Variants in MCPH1 observed in about 807,000 individuals in gnomAD.
MCPH1 encodes microcephalin 1, also known as microcephalin.
A neutral mutation model predicts 84.5 loss-of-function variants in MCPH1; 104 were observed. The observed-to-expected ratio is 1.23, with a 90% CI of 1.05 to 1.45. The LOEUF is 1.45. Ranked by LOEUF, MCPH1 falls within the 40% of genes most tolerant of loss-of-function variation. MCPH1 has a pLI of 0.00. For missense variants in MCPH1, 1,498 were observed against 1,005.7 expected (o/e 1.49, Z -6.62); for synonymous variants, 514 against 366.8 (o/e 1.40, Z -4.58).
intron 9 of MCPH1, among the ~76,000 whole-genome samples, chr8:6,475,484 C>T (rs142917920): frequency 0.011 from 1,634 of 152,298 alleles, 17 homozygotes; most frequent in Middle Eastern, 0.024. Context: ...CCCAGCATCC[C>T]GGGGAAAACC....
intron 11 of MCPH1, among the ~76,000 whole-genome samples, chr8:6,485,484 A>G (rs1386837113): frequency 1.3e-5 from 2 of 151,994 alleles, no homozygotes; most frequent in East Asian, 3.9e-4. Flanking sequence ...CTCTGTACCT[A>G]TACTTCCTGT....
chr8:6,514,843 C>T (rs746775061), intron 12 of MCPH1: 4 of 1,415,124 alleles, frequency 2.8e-6, no homozygotes, highest in Non-Finnish European at 3.0e-6. Flanking sequence ...GTAGCAGAAG[C>T]AGGAGGAATG....
At chr8:6,456,844 G>T (rs1202396843) in intron 9 of MCPH1, among the ~76,000 whole-genome samples, 1 of 152,176 alleles carries the variant, frequency 6.6e-6, no homozygotes, top group Non-Finnish European at 1.5e-5. Context: ...AATCTGATGG[G>T]CTGGGTCTGT....
chr8:6,631,901 C>T (rs1430334850), intron 13 of MCPH1, among the ~76,000 whole-genome samples: 1 of 152,192 alleles, frequency 6.6e-6, no homozygotes, highest in Non-Finnish European at 1.5e-5. Context: ...TTTATAGCAG[C>T]ATTGTTCACA....
At chr8:6,484,432 T>C (rs970462363) in intron 11 of MCPH1, among the ~76,000 whole-genome samples, 1 of 152,236 alleles carries the variant, frequency 6.6e-6, no homozygotes, top group Non-Finnish European at 1.5e-5. Context: ...CGGCTGCTGG[T>C]GTGTGTGGGA....
At chr8:6,476,355 G>C (rs1808451788) in intron 9 of MCPH1, among the ~76,000 whole-genome samples, 1 of 150,922 alleles carries the variant, frequency 6.6e-6, no homozygotes, top group South Asian at 2.1e-4. Flanking sequence ...CTTGAACCCG[G>C]GAGATGGAGG....
chr8:6,602,360 G>C (rs919288876), intron 12 of MCPH1, among the ~76,000 whole-genome samples: 8 of 152,172 alleles, frequency 5.3e-5, no homozygotes, highest in Non-Finnish European at 1.2e-4. Flanking sequence ...AATGAAGGTA[G>C]GATCAAGAGT....
intron 12 of MCPH1, among the ~76,000 whole-genome samples, chr8:6,602,989 G>T (rs1829489455): frequency 6.6e-6 from 1 of 152,074 alleles, no homozygotes; most frequent in African/African-American, 2.4e-5. Flanking sequence ...GCATCCGTGT[G>T]TGTGTGTGTG....
chr8:6,416,763 G>T (rs1799358565), intron 3 of MCPH1, among the ~76,000 whole-genome samples: 1 of 152,088 alleles, frequency 6.6e-6, no homozygotes, highest in Non-Finnish European at 1.5e-5. Context: ...GGAGGCCGAG[G>T]GGGGTGGATC....
intron 12 of MCPH1, among the ~76,000 whole-genome samples, chr8:6,530,458 G>A (rs201026966): frequency 1.4e-5 from 2 of 142,870 alleles, no homozygotes; most frequent in African/African-American, 5.2e-5. Flanking sequence ...GCAGCAAGTC[G>A]AGATCACACC....
chr8:6,629,649 A>C lies in MCPH1; in HGVS notation c.2452+7958A>C, dbSNP rs80065108. Among the ~76,000 whole-genome samples the C allele has an allele frequency of 7.4e-3, 1,125 of 152,236 alleles. 11 individuals are homozygous for C. Among genetic ancestry groups the C allele is most frequent in the African/African-American group, 0.026 (1,062 of 41,530 alleles). On this transcript the variant is annotated intron_variant, in intron 13 of 13. Coordinates refer to ENST00000344683, the MANE Select transcript of MCPH1 (RefSeq NM_024596.5). ...GACTTCCTGCCCTCCAGAACTGTGA[A>C]AAAATACATGTCTGCTGTTTAAGCC...
At chr8:6,463,898 G>T (rs1806555541) in intron 9 of MCPH1, among the ~76,000 whole-genome samples, 1 of 152,198 alleles carries the variant, frequency 6.6e-6, no homozygotes, top group African/African-American at 2.4e-5. Context: ...CACTTGGCTG[G>T]AAGCATATAC....
At chr8:6,503,935 C>T (rs1215971567) in intron 12 of MCPH1, among the ~76,000 whole-genome samples, 2 of 152,166 alleles carry the variant, frequency 1.3e-5, no homozygotes, top group African/African-American at 4.8e-5. Context: ...ACACAGTAGT[C>T]CCCCCTTATC....
At chr8:6,421,492 C>G (rs914438346) in intron 3 of MCPH1, among the ~76,000 whole-genome samples, 2 of 151,934 alleles carry the variant, frequency 1.3e-5, no homozygotes, top group Non-Finnish European at 2.9e-5. Flanking sequence ...CAAATCCACC[C>G]TGCCATACTG....
At chr8:6,534,516 G>A (rs1238975161) in intron 12 of MCPH1, among the ~76,000 whole-genome samples, 10 of 151,992 alleles carry the variant, frequency 6.6e-5, no homozygotes, top group African/African-American at 2.4e-4. Context: ...CCATCCACCC[G>A]CCTCAGCCCC....
intron 1 of MCPH1, among the ~76,000 whole-genome samples, chr8:6,407,518 A>T (rs574404557): frequency 2.0e-5 from 3 of 152,130 alleles, no homozygotes; most frequent in Non-Finnish European, 2.9e-5. Flanking sequence ...GGAGAGGGGA[A>T]TAGCGGACAC....
chr8:6,611,817 A>G (rs1830298941), intron 12 of MCPH1, among the ~76,000 whole-genome samples: 1 of 151,992 alleles, frequency 6.6e-6, no homozygotes, highest in Non-Finnish European at 1.5e-5. Flanking sequence ...ACGGGGTTTC[A>G]CCGTGTTAGC....
rs1472535841 is a variant in MCPH1 at position 6,646,569 on chromosome 8, C to T, written c.*3520C>T. The T allele has an allele frequency of 6.6e-6, 1 of 152,164 alleles. No individual in the cohort carries two copies. Among genetic ancestry groups the T allele is most frequent in the Non-Finnish European group, 1.5e-5 (1 of 68,030 alleles). The allele number at this position is 152,164 out of a possible 1,614,324, so 9.4% of individuals were successfully genotyped here. A position where few individuals can be genotyped will look rare whatever the true frequency, so the allele number is the denominator to read the frequency against. Reference sequence around the variant, plus strand: ...AAAAAAAGTACTTGGATCCTTACCTCACACCATGCACAAAAATTAGCTCAA... The same window carrying T: ...AAAAAAAGTACTTGGATCCTTACCTTACACCATGCACAAAAATTAGCTCAA... On this transcript the variant is annotated 3_prime_UTR_variant, in exon 14 of 14. Coordinates refer to ENST00000344683, the MANE Select transcript of MCPH1 (RefSeq NM_024596.5).
At chr8:6,518,687 C>G (rs1022111118) in intron 12 of MCPH1, among the ~76,000 whole-genome samples, 2 of 152,092 alleles carry the variant, frequency 1.3e-5, no homozygotes, top group African/African-American at 4.8e-5. Flanking sequence ...CCAAGAGCCT[C>G]GAAAATTTCC....
Sources: allele counts gnomAD v4.1 joint callset (sites outside exome capture counted in the v4.1 genomes callset), GRCh38; gene constraint gnomAD v4.1.1; transcripts MANE v1.5; gene names NCBI Gene and HGNC (gene_info 2026-07-23, HGNC 2026-07-21).